Variants in GPAT3 observed in about 807,000 individuals in gnomAD.
GPAT3 encodes glycerol-3-phosphate acyltransferase 3, also known as 1-AGP acyltransferase 9.
In GPAT3, 53 loss-of-function variants were observed where a neutral mutation model predicts 58.8. The observed-to-expected ratio is 0.90, with a 90% CI of 0.72 to 1.13. GPAT3 has a LOEUF of 1.13. Among genes scored for constraint, GPAT3 ranks in the 50% most tolerant of loss-of-function variants. The pLI is 0.00. For synonymous variants in GPAT3, 197 were observed against 187.4 expected, an observed-to-expected ratio of 1.05 and a Z score of -0.42; for missense variants, 511 against 527.6, an observed-to-expected ratio of 0.97 and a Z score of 0.31.
At chr4:83,548,087 G>T (rs924165971) in intron 2 of GPAT3, among the ~76,000 whole-genome samples, 1 of 152,168 alleles carries the variant, frequency 6.6e-6, no homozygotes, top group Non-Finnish European at 1.5e-5. Flanking sequence ...TTAAACTTCA[G>T]TGGAGGTTAT....
chr4:83,563,211 C>G (rs1380342058), intron 2 of GPAT3, among the ~76,000 whole-genome samples: 1 of 152,126 alleles, frequency 6.6e-6, no homozygotes, highest in African/African-American at 2.4e-5. Flanking sequence ...TATGTGTGTG[C>G]AAGTTATTGT....
intron 2 of GPAT3, among the ~76,000 whole-genome samples, chr4:83,554,801 CTTTTTTTTTT>C (rs34785812): frequency 7.7e-6 from 1 of 129,964 alleles, no homozygotes. Context: ...GAAGCTCCCT[CTTTTTTTTTT>C]TTTTTTTTTT....
intron 2 of GPAT3, among the ~76,000 whole-genome samples, chr4:83,563,391 A>G (rs980777804): frequency 6.6e-6 from 1 of 151,418 alleles, no homozygotes; most frequent in African/African-American, 2.4e-5. Flanking sequence ...TTAGTTTCTT[A>G]TGTATCTCTC....
At chr4:83,547,495 G>A (rs1160310920) in intron 2 of GPAT3, among the ~76,000 whole-genome samples, 22 of 151,430 alleles carry the variant, frequency 1.5e-4, no homozygotes, top group South Asian at 2.1e-4. Flanking sequence ...CTTGTGATCT[G>A]CCCACCTCGG....
At chr4:83,577,958 C>G (rs1198572856) in intron 2 of GPAT3, among the ~76,000 whole-genome samples, 1 of 151,918 alleles carries the variant, frequency 6.6e-6, no homozygotes, top group Admixed American at 6.6e-5. Flanking sequence ...TGCCGCCACG[C>G]CTGGCTAATT....
intron 3 of GPAT3, among the ~76,000 whole-genome samples, chr4:83,584,008 G>A (rs540824272): frequency 1.6e-4 from 25 of 152,018 alleles, no homozygotes; most frequent in Non-Finnish European, 2.9e-4. Context: ...AAAAACACAT[G>A]AAGCTTTAGT....
intron 2 of GPAT3, among the ~76,000 whole-genome samples, chr4:83,576,293 G>A (rs1396379499): frequency 6.6e-6 from 1 of 152,094 alleles, no homozygotes. Context: ...AAGTGTTCTT[G>A]TATATGTCTC....
chr4:83,588,407 T>C, intron 5 of GPAT3, 108 bp downstream of exon 5: 1 of 952,594 alleles, frequency 1.0e-6, no homozygotes, highest in Non-Finnish European at 1.6e-6. Flanking sequence ...TCAGAGTGCT[T>C]CCAATGTGTT....
intron 6 of GPAT3, among the ~76,000 whole-genome samples, chr4:83,594,254 C>T (rs113161640): frequency 0.013 from 1,960 of 152,218 alleles, 40 homozygotes; most frequent in African/African-American, 0.044. Context: ...TATATTTGGA[C>T]ATTTAGGTAG....
At chr4:83,585,317 AAGTTATAATTATAAAATTGAT>A (rs1377653305) in intron 3 of GPAT3, among the ~76,000 whole-genome samples, 13 of 149,962 alleles carry the variant, frequency 8.7e-5, no homozygotes, top group Admixed American at 1.3e-4. Context: ...TCATGTTATT[AAGTTATAATTATAAAATTGAT>A]AGTTATAATT....
chr4:83,560,590 A>G (rs1016270471), intron 2 of GPAT3, among the ~76,000 whole-genome samples: 2 of 151,988 alleles, frequency 1.3e-5, no homozygotes, highest in African/African-American at 2.4e-5. Flanking sequence ...GGGAAAAAGC[A>G]CTCTATGCAG....
At chr4:83,581,980 G>A (rs1726155793) in intron 3 of GPAT3, 148 bp downstream of exon 3, 3 of 1,050,996 alleles carry the variant, frequency 2.9e-6, no homozygotes, top group African/African-American at 1.6e-5. Context: ...CTAAAGGAAT[G>A]TATTACGTAT....
At chr4:83,588,189 A>T (rs1578193757) in intron 4 of GPAT3, 21 bp from the exon 5 acceptor site, 2 of 1,611,056 alleles carry the variant, frequency 1.2e-6, no homozygotes, top group Admixed American at 3.3e-5. Flanking sequence ...TGGCACAATA[A>T]AATGTTTCTA....
At chr4:83,596,210 ACC>A (rs1726826894) in intron 7 of GPAT3, among the ~76,000 whole-genome samples, 1 of 152,200 alleles carries the variant, frequency 6.6e-6, no homozygotes. Flanking sequence ...AGATGAGGAA[ACC>A]TAAGTACATG....
chr4:83,598,491 A>T, intron 10 of GPAT3, 153 bp from the exon 11 acceptor site: 1 of 799,638 alleles, frequency 1.3e-6, no homozygotes, highest in Non-Finnish European at 2.0e-6. Context: ...TTCTTTATAG[A>T]ACAAATGATA....
intron 2 of GPAT3, among the ~76,000 whole-genome samples, chr4:83,575,558 G>A (rs1388131760): frequency 6.6e-6 from 1 of 152,048 alleles, no homozygotes; most frequent in Non-Finnish European, 1.5e-5. Context: ...GACTACAGGT[G>A]CCCACCACCA....
rs184968105 is a variant in GPAT3 at position 83,562,232 on chromosome 4, A to G, written c.208+17630A>G. On this transcript the variant is annotated intron_variant, in intron 2 of 11. Coordinates refer to ENST00000264409, the MANE Select transcript of GPAT3 (RefSeq NM_032717.5). Reference sequence around the variant, plus strand: ...TATATTATATATATATATAATATATATATAATATATATATATAAAATATAG... The same window carrying G: ...TATATTATATATATATATAATATATGTATAATATATATATATAAAATATAG... Among the ~76,000 whole-genome samples the G allele has an allele frequency of 1.6e-3, 123 of 76,318 alleles. 3 individuals carry two copies. The highest frequency in any genetic ancestry group is 6.2e-3 in the African/African-American group (120 of 19,280). 50.1% of individuals were successfully genotyped at this position (76,318 alleles called of 152,430 possible). A position where few individuals can be genotyped will look rare whatever the true frequency, so the allele number is the denominator to read the frequency against.
chr4:83,567,410 C>T (rs113274457), intron 2 of GPAT3, among the ~76,000 whole-genome samples: 77 of 152,300 alleles, frequency 5.1e-4, no homozygotes, highest in African/African-American at 1.8e-3. Flanking sequence ...GATTACCCCT[C>T]TTAGACCCAT....
At chr4:83,562,225 A>ATATATT (rs1185063026) in intron 2 of GPAT3, among the ~76,000 whole-genome samples, 2 of 61,416 alleles carry the variant, frequency 3.3e-5, no homozygotes, top group African/African-American at 1.6e-4. Context: ...ATATATATAT[A>ATATATT]ATATATATAT....
Sources: gnomAD v4.1 joint callset for allele counts (sites outside exome capture counted in the v4.1 genomes callset) on GRCh38, gnomAD v4.1.1 for gene constraint, MANE v1.5 for transcripts, NCBI Gene and HGNC (gene_info 2026-07-23, HGNC 2026-07-21) for gene names.